CCNH: variants seen among roughly 807,000 people sequenced by gnomAD.
The protein encoded by CCNH is cyclin H.
Under a neutral mutation model 41.9 loss-of-function variants are expected in CCNH, and 31 were observed. The ratio of observed to expected loss-of-function variants is 0.74; its 90% CI spans 0.56 to 1.00. The LOEUF (loss-of-function observed/expected upper bound fraction) is 1.00. CCNH is among the 50% of genes least tolerant of loss of function. The pLI, the probability that CCNH is intolerant of heterozygous loss-of-function variation, is 0.00. For missense variants in CCNH, 362 were observed against 388.4 expected, an observed-to-expected ratio of 0.93 and a Z score of 0.57; for synonymous variants, 138 against 136.1, an observed-to-expected ratio of 1.01 and a Z score of -0.10.
At chr5:87,390,795 T>A, downstream of CCNH, 1 of 1,608,316 alleles carries the variant, frequency 6.2e-7, no homozygotes, top group South Asian at 1.1e-5. Context: ...TTTTCCTCTG[T>A]CTAGCACGTA....
chr5:87,383,678 T>TA (rs368117332), intron 9 of CCNH: 109,215 of 1,295,044 alleles, frequency 0.084, 2 homozygotes, highest in Non-Finnish European at 0.093. Flanking sequence ...AGGTGTTTTC[T>TA]AAAAAAAAAA....
In CCNH at chr5:87,408,018, G is replaced by C; in HGVS notation, c.483C>G (p.His161Gln). The change falls in exon 4 of 9, where the codon CAC (histidine) becomes CAG (glutamine). Residue 161 changes from histidine to glutamine, a missense_variant. Physicochemically the swap from His to Gln is conservative, Grantham distance 24 (BLOSUM62 0). Transcript: ENST00000256897. ...AGCCCTCAAATGGTCTGTAAGGATT[G>C]TGGACAATAAGGTGGAAATTAAGTT... ...IQQLNFHLIV[H>Q]NPYRPFEGFL... The C allele has an allele frequency of 6.2e-7, 1 of 1,613,724 alleles. No homozygotes were observed. Among genetic ancestry groups the C allele is most frequent in the East Asian group, 2.2e-5 (1 of 44,882 alleles).
Position 87,394,281 on chromosome 5 carries a change from A to AAGAT in CCNH, c.*161_*164dup. The AAGAT allele has an allele frequency of 7.5e-7, 1 of 1,328,264 alleles. No individual in the cohort carries two copies. The highest frequency in any genetic ancestry group is 1.5e-5 in the African/African-American group (1 of 66,614). The allele number at this position is 1,328,264 out of a possible 1,614,324, so 82.3% of individuals were successfully genotyped here. A position where few individuals can be genotyped will look rare whatever the true frequency, so the allele number is the denominator to read the frequency against. On this transcript the variant is annotated 3_prime_UTR_variant, in exon 9 of 9. Transcript: ENST00000256897. ...AACAGGTGCTATTCTAGCTCTTTTG[A>AAGAT]AGATGGTTTATTTTACATAAAGTTA...
At chr5:87,412,316 A>C (rs563992971) in intron 1 of CCNH, 21 of 734,322 alleles carry the variant, frequency 2.9e-5, no homozygotes, top group African/African-American at 3.7e-5. Flanking sequence ...GGTGGTTCTG[A>C]CTGCCTGGAA....
downstream of CCNH, chr5:87,375,010 A>G: frequency 1.4e-6 from 2 of 1,444,338 alleles, no homozygotes; most frequent in Non-Finnish European, 1.8e-6. Context: ...AATTAAAAAA[A>G]CAGAAATGCA....
At chr5:87,382,197 C>T (rs1338694219) in intron 9 of CCNH, among the ~76,000 whole-genome samples, 1 of 152,106 alleles carries the variant, frequency 6.6e-6, no homozygotes, top group Non-Finnish European at 1.5e-5. Flanking sequence ...GGTGGTACAC[C>T]CACCTCGGCC....
At chr5:87,317,707 C>T (rs1353895715), downstream of CCNH, among the ~76,000 whole-genome samples, 1 of 151,622 alleles carries the variant, frequency 6.6e-6, no homozygotes, top group African/African-American at 2.4e-5. Context: ...ACGATCTCAG[C>T]TCACTGCAGC....
At chr5:87,408,504 G>A (rs1366131174) in intron 3 of CCNH, among the ~76,000 whole-genome samples, 1 of 152,108 alleles carries the variant, frequency 6.6e-6, no homozygotes, top group African/African-American at 2.4e-5. Context: ...AGGAATAAGA[G>A]TACTTTGTAT....
intron 9 of CCNH, among the ~76,000 whole-genome samples, chr5:87,359,024 G>A (rs934777962): frequency 1.3e-5 from 2 of 152,146 alleles, no homozygotes. Context: ...CTAACATGTA[G>A]TACAATTTAT....
chr5:87,330,364 CTT>C (rs997027846), intron 9 of CCNH, among the ~76,000 whole-genome samples: 2 of 151,910 alleles, frequency 1.3e-5, no homozygotes, highest in African/African-American at 2.4e-5. Flanking sequence ...TACAAATAAA[CTT>C]TGGTAAAGCT....
At chr5:87,387,014 C>T (rs1248388526), downstream of CCNH, 3 of 1,040,076 alleles carry the variant, frequency 2.9e-6, no homozygotes, top group African/African-American at 3.3e-5. Flanking sequence ...ACTAAAAAGA[C>T]AAAAAGCCTG....
intron 5 of CCNH, 141 bp downstream of exon 5, chr5:87,404,703 T>C: frequency 1.5e-6 from 1 of 656,128 alleles, no homozygotes; most frequent in Non-Finnish European, 2.5e-6. Context: ...GTTTAAAGAT[T>C]TCCTCAAAAG....
upstream of CCNH, chr5:87,379,770 G>C: frequency 6.2e-7 from 1 of 1,612,594 alleles, no homozygotes; most frequent in African/African-American, 1.3e-5. Flanking sequence ...ATGAAGATGT[G>C]AACACTAATT....
intron 5 of CCNH, 108 bp downstream of exon 5, chr5:87,404,736 C>T: frequency 1.1e-6 from 1 of 878,404 alleles, no homozygotes; most frequent in Non-Finnish European, 1.7e-6. Flanking sequence ...CTTCTTCTCA[C>T]CAACCATCCC....
At chr5:87,397,636 C>T (rs1236913895) in intron 7 of CCNH, among the ~76,000 whole-genome samples, 1 of 152,056 alleles carries the variant, frequency 6.6e-6, no homozygotes, top group Non-Finnish European at 1.5e-5. Flanking sequence ...AGAAGCACCC[C>T]TCAAGTACTC....
chr5:87,386,952 A>G (rs971430715), downstream of CCNH: 3 of 1,469,594 alleles, frequency 2.0e-6, no homozygotes, highest in African/African-American at 2.8e-5. Context: ...TAGTTGATAT[A>G]GCTGAGTTAA....
chr5:87,399,847 T>C (rs927169850), intron 6 of CCNH, among the ~76,000 whole-genome samples: 8 of 152,218 alleles, frequency 5.3e-5, no homozygotes, highest in Non-Finnish European at 1.0e-4. Context: ...GTGAACATGT[T>C]TTGTTCTCTA....
downstream of CCNH, chr5:87,392,180 G>A (rs1012161077): frequency 4.5e-6 from 2 of 440,340 alleles, no homozygotes; most frequent in Non-Finnish European, 9.1e-6. Flanking sequence ...GAGTGAGACA[G>A]GAACCCAAGG....
chr5:87,338,821 C>T (rs1214037281), intron 9 of CCNH, among the ~76,000 whole-genome samples: 1 of 151,626 alleles, frequency 6.6e-6, no homozygotes, highest in East Asian at 1.9e-4. Context: ...TTCCAGTAAA[C>T]TTGGAAGAAT....
Sources: gnomAD v4.1 joint callset for allele counts (sites outside exome capture counted in the v4.1 genomes callset) on GRCh38, gnomAD v4.1.1 for gene constraint, MANE v1.5 for transcripts, NCBI Gene and HGNC (gene_info 2026-07-23, HGNC 2026-07-21) for gene names.